The following USP36 variants were observed in gnomAD, a reference collection of about 807,000 sequenced individuals.
USP36 encodes ubiquitin carboxyl-terminal hydrolase 36.
Under a neutral mutation model 111.5 loss-of-function variants are expected in USP36, and 59 were observed. The observed-to-expected ratio is 0.53, with a 90% CI of 0.43 to 0.66. The LOEUF (loss-of-function observed/expected upper bound fraction) is 0.66. USP36 is among the 30% of genes least tolerant of loss of function. USP36 has a pLI of 0.00. For synonymous variants in USP36, 628 were observed against 581.0 expected (o/e 1.08, Z -1.16); for missense variants, 1,488 against 1,468.0 (o/e 1.01, Z -0.22).
intron 13 of USP36, among the ~76,000 whole-genome samples, chr17:78,809,331 T>TC (rs770028770): frequency 7.2e-5 from 11 of 152,234 alleles, no homozygotes; most frequent in Admixed American, 1.3e-4. Context: ...TTTGTTTTGT[T>TC]CCCTACATTC....
intron 13 of USP36, among the ~76,000 whole-genome samples, chr17:78,811,362 T>C (rs1026678631): frequency 5.3e-5 from 8 of 152,196 alleles, no homozygotes; most frequent in African/African-American, 1.9e-4. Flanking sequence ...TATGTATATG[T>C]ACGTGTGTAT....
chr17:78,821,906 A>G (rs930899606), intron 7 of USP36, 31 bp downstream of exon 7: 9 of 1,612,802 alleles, frequency 5.6e-6, no homozygotes, highest in Non-Finnish European at 7.6e-6. Context: ...TAATCCTGGC[A>G]AGAAGCAGTA....
At chr17:78,793,156 GAGAAGAGAACAGAGGGA>G (rs1180122966), downstream of USP36, among the ~76,000 whole-genome samples, 4 of 152,124 alleles carry the variant, frequency 2.6e-5, no homozygotes, top group African/African-American at 4.8e-5. Context: ...AGGTAAGAAG[GAGAAGAGAACAGAGGGA>G]GAGGAGCTGG....
At chr17:78,801,357 C>T (rs1405284759) in intron 17 of USP36, among the ~76,000 whole-genome samples, 1 of 152,170 alleles carries the variant, frequency 6.6e-6, no homozygotes, top group Non-Finnish European at 1.5e-5. Context: ...TTATTTCATA[C>T]CATTTCATTT....
At position 78,809,242 on chromosome 17, in the gene USP36, T is replaced by C. The variant is rs76330038; in HGVS notation, c.1408-1606A>G. ...TTAGTCAATTCATAATTCTTCTACA[T>C]TTTATCCTTCAACTTTAAGCATACA... On this transcript the variant is annotated intron_variant, in intron 13 of 20. Transcript: ENST00000449938. Among the ~76,000 whole-genome samples, 940 of 152,356 alleles carry C rather than the reference T, an allele frequency of 6.2e-3. 40 individuals carry two copies. The East Asian group carries it at 0.11, about 18-fold the overall frequency.
chr17:78,800,134 CAA>C (rs372037379), intron 17 of USP36, among the ~76,000 whole-genome samples: 2 of 133,426 alleles, frequency 1.5e-5, no homozygotes, highest in Admixed American at 7.5e-5. Flanking sequence ...AGCTAAAAAC[CAA>C]AAAAAAAAAA....
chr17:78,827,397 C>T (rs752849076), intron 5 of USP36, 50 bp from the exon 6 acceptor site: 4 of 1,547,814 alleles, frequency 2.6e-6, no homozygotes, highest in East Asian at 2.3e-5. Flanking sequence ...TCTCATCAAA[C>T]GGCCTGCGGC....
chr17:78,795,468 A>G (rs2093616019), downstream of USP36, among the ~76,000 whole-genome samples: 1 of 152,216 alleles, frequency 6.6e-6, no homozygotes, highest in Non-Finnish European at 1.5e-5. This position sits in a 1 kb window ranked among gnomAD's most constrained non-coding sequence, Gnocchi z 4.5. Flanking sequence ...GGGTTCATTC[A>G]GCCTCTTGGT....
At chr17:78,832,535 C>T (rs1408106245) in intron 4 of USP36, among the ~76,000 whole-genome samples, 1 of 152,228 alleles carries the variant, frequency 6.6e-6, no homozygotes, top group Admixed American at 6.5e-5. Context: ...CTTACTCACA[C>T]GCTTGCTGCT....
chr17:78,814,421 G>C lies in USP36; in HGVS notation c.1155C>G (p.Cys385Trp). The C allele has an allele frequency of 6.2e-7, 1 of 1,614,130 alleles. No individual in the cohort carries two copies. Among genetic ancestry groups the C allele is most frequent in the Non-Finnish European group, 8.5e-7 (1 of 1,180,018 alleles). ...GACACAAGCCTCTCACCTTCACGTA[G>C]CAGTAATAGTGCCCGGCATGGCAGC... ...GYSCHAGHYY[C>W]YVKASNGQWY... Residue 385 changes from cysteine to tryptophan, a missense_variant, in exon 11 of 21, where the codon TGC (cysteine) becomes TGG (tryptophan). Coordinates refer to ENST00000449938, the MANE Select transcript of USP36 (RefSeq NM_001385174.1).
intron 3 of USP36, among the ~76,000 whole-genome samples, chr17:78,835,718 T>C (rs7213204): frequency 0.54 from 81,867 of 151,970 alleles, 22,092 homozygotes; most frequent in East Asian, 0.62. Context: ...GCTAAAGAAT[T>C]CAAGGGCCCC....
At chr17:78,791,233 C>T (rs993368514), downstream of USP36, among the ~76,000 whole-genome samples, 1 of 150,382 alleles carries the variant, frequency 6.6e-6, no homozygotes, top group Non-Finnish European at 1.5e-5. Context: ...CTCCCGGGTT[C>T]AAGCGATTCT....
intron 17 of USP36, among the ~76,000 whole-genome samples, 169 bp from the exon 18 acceptor site, chr17:78,799,937 G>A (rs988800112): frequency 8.2e-6 from 1 of 121,518 alleles, no homozygotes; most frequent in Non-Finnish European, 1.6e-5. Context: ...TTCCTAGGTT[G>A]GTCTCAAACT....
rs149071819 is a variant in USP36 at position 78,818,070 on chromosome 17, G to C, written c.1023+597C>G. Among the ~76,000 whole-genome samples the C allele has an allele frequency of 5.3e-3, 807 of 152,292 alleles. 6 individuals carry two copies. The highest frequency in any genetic ancestry group is 0.018 in the African/African-American group (748 of 41,550). On this transcript the variant is annotated intron_variant, in intron 10 of 20. Transcript: ENST00000449938. ...ACTGCACTCCAGCCCAGGTGACAGA[G>C]TGAGACCCTGTCTTAAAACAAAATG... is the stretch of plus-strand genomic sequence containing the variant.
chr17:78,820,020 G>C lies in USP36; in HGVS notation c.829-8C>G. 6.2e-7 allele frequency: 1 copy of C among 1,613,298 alleles called. No homozygotes were observed. Among genetic ancestry groups the C allele is most frequent in the Non-Finnish European group, 8.5e-7 (1 of 1,179,740 alleles). ...CACAATATTCGCAGCTTGCTGAGGA[G>C]GACAAAAACAGGGAGTAAAATACAC... On this transcript the variant is annotated splice_polypyrimidine_tract_variant and splice_region_variant and intron_variant, in intron 8 of 20. Transcript: ENST00000449938.
chr17:78,838,759 G>C lies in USP36; in HGVS notation c.-173-9C>G, dbSNP rs62075637. 28,736 of 152,364 alleles carry C rather than the reference G, an allele frequency of 0.19. 2,825 individuals are homozygous for C. The highest frequency in any genetic ancestry group is 0.25 in the Middle Eastern group (74 of 296). 9.4% of individuals were successfully genotyped at this position (152,364 alleles called of 1,614,324 possible). On this transcript the variant is annotated splice_polypyrimidine_tract_variant and intron_variant, in intron 1 of 20. Transcript: ENST00000449938. ...AGAGCGGGCGTCAGAGCCTGTGGGA[G>C]GGACAGGGAGACCATCAGTGGAGGC...
Position 78,798,898 on chromosome 17 carries a change from C to T in USP36, c.3240+10G>A, listed in dbSNP as rs530840031. ...TCCCTCAAGCCTGTGGTCAGCATCA[C>T]ACATCATACCTTCCCTCGGTCAAAC... On this transcript the variant is annotated intron_variant, in intron 19 of 20. Coordinates refer to ENST00000449938, the MANE Select transcript of USP36 (RefSeq NM_001385174.1). The surrounding 1 kb of genome is among the most constrained non-coding windows in gnomAD (Gnocchi z 5.1). 1.1e-5 allele frequency: 18 copies of T among 1,613,962 alleles called. No homozygotes were observed. The highest frequency in any genetic ancestry group is 6.7e-5 in the East Asian group (3 of 44,874).
intron 2 of USP36, among the ~76,000 whole-genome samples, chr17:78,836,614 C>T (rs979474449): frequency 1.3e-5 from 2 of 152,124 alleles, no homozygotes; most frequent in Admixed American, 1.3e-4. Flanking sequence ...GGTGAGCAGA[C>T]AACAGTGGCC....
chr17:78,794,734 G>A (rs2093608872), downstream of USP36, among the ~76,000 whole-genome samples: 1 of 152,136 alleles, frequency 6.6e-6, no homozygotes, highest in Non-Finnish European at 1.5e-5. Flanking sequence ...TCAGCCAGGC[G>A]CAGTGGCTCA....
Sources: allele counts gnomAD v4.1 joint callset (sites outside exome capture counted in the v4.1 genomes callset), GRCh38; gene constraint gnomAD v4.1.1; non-coding constraint Gnocchi (gnomAD v3.1); transcripts MANE v1.5; gene names NCBI Gene and HGNC (gene_info 2026-07-23, HGNC 2026-07-21).